The following NOSTRIN variants were observed in gnomAD, a reference collection of about 807,000 sequenced individuals.
The protein encoded by NOSTRIN is nitric oxide synthase trafficking, also known as BM247 homolog.
A neutral mutation model predicts 59.0 loss-of-function variants in NOSTRIN; 63 were observed. That is an observed-to-expected ratio of 1.07 (90% CI 0.87 to 1.32). The LOEUF (loss-of-function observed/expected upper bound fraction) is 1.32, where lower values mean the gene tolerates loss of function less well. NOSTRIN is among the 40% of genes most tolerant of loss of function. The pLI is 0.00. For missense variants in NOSTRIN, 512 were observed against 473.1 expected, an observed-to-expected ratio of 1.08 and a Z score of -0.76; for synonymous variants, 200 against 165.4, an observed-to-expected ratio of 1.21 and a Z score of -1.61.
intron 7 of NOSTRIN, among the ~76,000 whole-genome samples, chr2:168,835,584 T>C (rs1276935652): frequency 1.3e-5 from 2 of 152,212 alleles, no homozygotes; most frequent in African/African-American, 4.8e-5. Context: ...AAGATATTTG[T>C]GCATTTTGTG....
intron 8 of NOSTRIN, among the ~76,000 whole-genome samples, chr2:168,849,596 T>C (rs1688629437): frequency 6.7e-6 from 1 of 149,186 alleles, no homozygotes; most frequent in African/African-American, 2.5e-5. Flanking sequence ...CCTCAGGTAG[T>C]TCACCCGTCT....
intron 8 of NOSTRIN, among the ~76,000 whole-genome samples, chr2:168,849,292 T>A (rs1230557662): frequency 1.3e-5 from 2 of 152,206 alleles, no homozygotes; most frequent in Admixed American, 6.5e-5. Flanking sequence ...GCAACTGAGC[T>A]GGACTTCCCT....
intron 1 of NOSTRIN, among the ~76,000 whole-genome samples, chr2:168,810,275 A>G (rs1401369994): frequency 6.6e-6 from 1 of 152,228 alleles, no homozygotes; most frequent in African/African-American, 2.4e-5. Context: ...TTTCTGTGTT[A>G]AATTCACAGG....
chr2:168,811,584 G>T lies in NOSTRIN; in HGVS notation c.45G>T (p.Lys15Asn). The change falls in exon 2 of 16, where the codon AAG becomes AAT. Residue 15 changes from lysine (K) to asparagine (N), a missense_variant. By Grantham distance (94) the Lys-to-Asn change is moderately conservative. Coordinates refer to ENST00000317647, the MANE Select transcript of NOSTRIN (RefSeq NM_001039724.4). ...TTTTTCAGTATAATAAAGTATACAA[G>T]AACCTAAAGGAGTTTTCTCAAAATG... ...LTDCPYNKVY[K>N]NLKEFSQNGE... 1 of 856,924 alleles carries T rather than the reference G, an allele frequency of 1.2e-6. No individual in the cohort carries two copies. Among genetic ancestry groups the T allele is most frequent in the South Asian group, 1.4e-5 (1 of 72,976 alleles). The allele number at this position is 856,924 out of a possible 1,614,324, so 53.1% of individuals were successfully genotyped here.
chr2:168,832,789 T>C (rs994901536), intron 6 of NOSTRIN, among the ~76,000 whole-genome samples: 1 of 151,394 alleles, frequency 6.6e-6, no homozygotes, highest in Admixed American at 6.6e-5. Context: ...TTGTTTTGTA[T>C]TTTTTTTAAA....
At position 168,851,179 on chromosome 2, in the gene NOSTRIN, C is replaced by T. The variant is rs992905238; in HGVS notation, c.726C>T (p.Thr242=). Residue 242 remains threonine (T), a synonymous_variant, in exon 9 of 16, where the codon ACC becomes ACT. Transcript: ENST00000317647. ...QHISLFGQTL[T]TCHTQIHCAI... ...TTTCTCTTTTTGGCCAAACCCTGACCACAGTGAGTAGAGATGATCTCTCCA... is the reference window on the plus strand; with the variant it reads ...TTTCTCTTTTTGGCCAAACCCTGACTACAGTGAGTAGAGATGATCTCTCCA... 1.2e-6 allele frequency: 2 copies of T among 1,614,068 alleles called. No individual in the cohort carries two copies. Among genetic ancestry groups the T allele is most frequent in the African/African-American group, 2.7e-5 (2 of 75,036 alleles).
At chr2:168,799,385 C>T (rs1384025558), upstream of NOSTRIN, among the ~76,000 whole-genome samples, 2 of 152,200 alleles carry the variant, frequency 1.3e-5, no homozygotes, top group Non-Finnish European at 2.9e-5. Context: ...CATGGGAACT[C>T]AGTCTCCTCC....
chr2:168,801,283 G>A (rs1161593245), upstream of NOSTRIN: 12 of 144,060 alleles, frequency 8.3e-5, no homozygotes, highest in African/African-American at 1.3e-4. Flanking sequence ...TAGAAGTAGA[G>A]TCTCACTCTA....
chr2:168,824,578 T>A, intron 2 of NOSTRIN, 56 bp from the exon 3 acceptor site: 1 of 840,590 alleles, frequency 1.2e-6, no homozygotes, highest in South Asian at 1.3e-5. Flanking sequence ...GGATTATAGG[T>A]GTGAGCCACT....
At chr2:168,839,092 ACT>A (rs1687908793) in intron 7 of NOSTRIN, among the ~76,000 whole-genome samples, 1 of 150,928 alleles carries the variant, frequency 6.6e-6, no homozygotes. Context: ...GCCAGGAAAA[ACT>A]CTTTCATGTG....
chr2:168,831,066 G>A (rs1687330775), intron 5 of NOSTRIN, among the ~76,000 whole-genome samples: 1 of 152,194 alleles, frequency 6.6e-6, no homozygotes, highest in African/African-American at 2.4e-5. Context: ...GACTGTCTTA[G>A]TTCAGGCTGC....
intron 6 of NOSTRIN, among the ~76,000 whole-genome samples, chr2:168,833,119 A>G (rs1178365201): frequency 6.6e-6 from 1 of 152,222 alleles, no homozygotes; most frequent in African/African-American, 2.4e-5. Flanking sequence ...ATAAAGAGTG[A>G]CAGCGAAATT....
chr2:168,814,942 AG>A (rs1232967280), intron 2 of NOSTRIN, among the ~76,000 whole-genome samples: 1 of 152,214 alleles, frequency 6.6e-6, no homozygotes, highest in Non-Finnish European at 1.5e-5. Context: ...AAGATAGTTA[AG>A]GGTTTTTAAA....
At chr2:168,856,201 G>A (rs546965010) in intron 11 of NOSTRIN, 1 of 224,438 alleles carries the variant, frequency 4.5e-6, no homozygotes, top group South Asian at 5.5e-5. Context: ...TTCATTAAGT[G>A]AAGAGAAAGG....
At chr2:168,860,935 G>T (rs765002530) in intron 14 of NOSTRIN, 26 bp downstream of exon 14, 2 of 1,504,644 alleles carry the variant, frequency 1.3e-6, no homozygotes, top group Non-Finnish European at 1.9e-6. Flanking sequence ...CAATCATTTT[G>T]GCCTGGGTCC....
rs545878992 is a variant in NOSTRIN, at chr2:168,841,614, C to T, written c.505-1378C>T. Among the ~76,000 whole-genome samples the T allele has an allele frequency of 1.1e-4, 17 of 152,252 alleles. No individual in the cohort carries two copies. In the South Asian group the frequency reaches 3.3e-3, roughly 30 times the overall value. ...GCTTTTCACTGGCAATAATTACACTCGCTAAATTTTGAGTGCTATGCCAGG... is the reference window on the plus strand; with the variant it reads ...GCTTTTCACTGGCAATAATTACACTTGCTAAATTTTGAGTGCTATGCCAGG... On this transcript the variant is annotated intron_variant, in intron 7 of 15. Coordinates refer to ENST00000317647, the MANE Select transcript of NOSTRIN (RefSeq NM_001039724.4).
intron 10 of NOSTRIN, among the ~76,000 whole-genome samples, chr2:168,852,316 T>G (rs1225578224): frequency 6.6e-6 from 1 of 152,124 alleles, no homozygotes; most frequent in East Asian, 1.9e-4. Context: ...CTTGAGTGAT[T>G]CTACTGTGGG....
At chr2:168,823,206 C>T (rs917212128) in intron 2 of NOSTRIN, among the ~76,000 whole-genome samples, 27 of 151,970 alleles carry the variant, frequency 1.8e-4, no homozygotes, top group Non-Finnish European at 2.9e-4. Flanking sequence ...TTAGTAGAGA[C>T]GGGGTTTCAC....
intron 2 of NOSTRIN, among the ~76,000 whole-genome samples, chr2:168,822,859 A>G (rs1686828820): frequency 6.6e-6 from 1 of 152,234 alleles, no homozygotes; most frequent in Non-Finnish European, 1.5e-5. Context: ...GGTGTTGGCT[A>G]CCACTGCCGA....
Sources: allele counts gnomAD v4.1 joint callset (sites outside exome capture counted in the v4.1 genomes callset), GRCh38; gene constraint gnomAD v4.1.1; transcripts MANE v1.5; gene names NCBI Gene and HGNC (gene_info 2026-07-23, HGNC 2026-07-21).